STK40: variants seen among roughly 807,000 people sequenced by gnomAD.
STK40 encodes the protein serine/threonine kinase 40, also known as serine/threonine-protein kinase 40.
Under a neutral mutation model 47.9 loss-of-function variants are expected in STK40, and 13 were observed. That is an observed-to-expected ratio of 0.27 (90% confidence interval 0.18 to 0.43). The LOEUF is 0.43. Ranked by LOEUF, STK40 falls within the 20% of genes least tolerant of loss-of-function variation. STK40 has a pLI of 1.00. For synonymous variants in STK40, 225 were observed against 243.2 expected (o/e 0.93, Z 0.69); for missense variants, 460 against 595.1 (o/e 0.77, Z 2.36).
intron 1 of STK40, among the ~76,000 whole-genome samples, chr1:36,383,561 T>A (rs1210061168): frequency 1.3e-5 from 2 of 152,242 alleles, no homozygotes; most frequent in Non-Finnish European, 2.9e-5. Context: ...CGAAGAGTTC[T>A]CCAGCCCTTC....
chr1:36,346,029 C>G (rs797009676), intron 7 of STK40, among the ~76,000 whole-genome samples: 3 of 106,622 alleles, frequency 2.8e-5, no homozygotes, highest in African/African-American at 1.1e-4. Context: ...GAGTCTTGCT[C>G]TGTTGCCCAG....
At chr1:36,366,460 C>T (rs1646902753) in intron 1 of STK40, among the ~76,000 whole-genome samples, 1 of 152,170 alleles carries the variant, frequency 6.6e-6, no homozygotes, top group African/African-American at 2.4e-5. Flanking sequence ...CATGAAGAGG[C>T]AGGCCCAGAA....
At chr1:36,357,216 G>C (rs115018158) in intron 4 of STK40, among the ~76,000 whole-genome samples, 2 of 152,328 alleles carry the variant, frequency 1.3e-5, no homozygotes, top group East Asian at 3.9e-4. Context: ...TGGGGAATCT[G>C]AGGCCTAGAG....
intron 1 of STK40, among the ~76,000 whole-genome samples, chr1:36,383,163 T>G (rs1389082385): frequency 3.9e-5 from 6 of 152,224 alleles, no homozygotes; most frequent in African/African-American, 1.4e-4. Flanking sequence ...AGACTGGTCT[T>G]GAACTCCTGA....
In STK40 at chr1:36,341,837, G is replaced by A. The variant is rs752175420; in HGVS notation, c.1226C>T (p.Pro409Leu). The change falls in exon 11 of 11, where the codon CCG becomes CTG. Residue 409 changes from proline to leucine, a missense_variant. Transcript: ENST00000373132. ...VPKRQFGSAP[P>L]VRRLGHDAQP... ...TGCGTCGTGGCCCAGCCGTCGCACC[G>A]GTGGTGCGCTGCCGAACTGCCGCTT... 3.0e-5 allele frequency: 48 copies of A among 1,613,660 alleles called. No homozygotes were observed. Among genetic ancestry groups the A allele is most frequent in the Admixed American group, 1.2e-4 (7 of 60,018 alleles).
At chr1:36,351,282 A>C (rs1489555859) in intron 6 of STK40, among the ~76,000 whole-genome samples, 1 of 151,892 alleles carries the variant, frequency 6.6e-6, no homozygotes, top group African/African-American at 2.4e-5. Flanking sequence ...TGCCTTGCCA[A>C]CACCTCCCCC....
intron 7 of STK40, among the ~76,000 whole-genome samples, chr1:36,345,325 G>A (rs1053194768): frequency 2.6e-5 from 4 of 152,240 alleles, no homozygotes; most frequent in Non-Finnish European, 5.9e-5. Flanking sequence ...CCGGGAGAGG[G>A]TGTGCCATGT....
intron 7 of STK40, among the ~76,000 whole-genome samples, chr1:36,346,145 C>G (rs535080943): frequency 6.6e-4 from 100 of 150,888 alleles, no homozygotes; most frequent in Non-Finnish European, 1.1e-3. Context: ...TAGGCACCCG[C>G]CACCACGCCC....
chr1:36,357,320 ACAG>A (rs921754268), intron 4 of STK40, among the ~76,000 whole-genome samples: 1 of 152,170 alleles, frequency 6.6e-6, no homozygotes, highest in African/African-American at 2.4e-5. Flanking sequence ...TGCCTCTCAA[ACAG>A]CAGGTCTGTC....
At chr1:36,374,831 T>C (rs932556857) in intron 1 of STK40, among the ~76,000 whole-genome samples, 3 of 152,132 alleles carry the variant, frequency 2.0e-5, no homozygotes, top group East Asian at 1.9e-4. Flanking sequence ...TCTGGCTCAT[T>C]TGGACTAGAA....
chr1:36,344,161 C>G lies in STK40; in HGVS notation c.843G>C (p.Glu281Asp). The stretch of plus-strand genomic sequence containing the variant: ...CGGCAGCCTTGATCTTGCGGAAGAG[C>G]TCCTGCGGGATGCTGTCGTAGAAGG... ...QFPFYDSIPQ[E>D]LFRKIKAAEY... Residue 281 changes from glutamate (E) to aspartate (D), a missense_variant, in exon 8 of 11, where the codon GAG becomes GAC. By Grantham distance (45) the Glu-to-Asp change is conservative. Around this residue, in one of 3 missense-constraint regions of STK40, gnomAD observed 181 missense variants for 218.9 expected, o/e 0.83. Coordinates refer to ENST00000373132, the MANE Select transcript of STK40 (RefSeq NM_001282547.2). 1 of 1,611,828 alleles carries G rather than the reference C, an allele frequency of 6.2e-7. No homozygotes were observed. Among genetic ancestry groups the G allele is most frequent in the Non-Finnish European group, 8.5e-7 (1 of 1,179,512 alleles).
In STK40 at chr1:36,341,498, T is replaced by A; in HGVS notation, c.*257A>T. The A allele has an allele frequency of 1.9e-6, 1 of 519,636 alleles. No homozygotes were observed. The highest frequency in any genetic ancestry group is 2.1e-5 in the South Asian group (1 of 47,000). The allele number at this position is 519,636 out of a possible 1,614,324, so 32.2% of individuals were successfully genotyped here. A position where few individuals can be genotyped will look rare whatever the true frequency, so the allele number is the denominator to read the frequency against. On this transcript the variant is annotated 3_prime_UTR_variant, in exon 11 of 11. Coordinates refer to ENST00000373132, the MANE Select transcript of STK40 (RefSeq NM_001282547.2). ...GCATGGTTAAAGAGACAGAGGTAGATTAAAACATCGTGATTAAAAGCAGAT... is the reference window on the plus strand; with the variant it reads ...GCATGGTTAAAGAGACAGAGGTAGAATAAAACATCGTGATTAAAAGCAGAT...
chr1:36,342,098 C>T, intron 10 of STK40, 125 bp from the exon 11 acceptor site: 1 of 910,248 alleles, frequency 1.1e-6, no homozygotes, highest in Non-Finnish European at 1.7e-6. Flanking sequence ...GGCACCACAC[C>T]CTCAGGCCTC....
At chr1:36,369,901 G>A (rs1646930914) in intron 1 of STK40, among the ~76,000 whole-genome samples, 1 of 152,240 alleles carries the variant, frequency 6.6e-6, no homozygotes, top group South Asian at 2.1e-4. Context: ...AGGAGACAGA[G>A]GCAGTTGAAT....
chr1:36,350,827 C>T (rs544755599), intron 6 of STK40, among the ~76,000 whole-genome samples: 3 of 152,330 alleles, frequency 2.0e-5, no homozygotes, highest in African/African-American at 7.2e-5. Context: ...TGCCAGGGCA[C>T]GGGCAGGCAC....
chr1:36,341,959 CT>C lies in STK40; in HGVS notation c.1103del (p.Glu368GlyfsTer53). ...TCTCAAACTCGTACTGGGAGCACTC[CT>C]CCGTCACCTTCGCCTTTGAGGCGGG... is the stretch of plus-strand genomic sequence containing the variant. ...ADSSQEAKVT[E>X]ECSQYEFENY... On this transcript the variant is annotated frameshift_variant, in exon 11 of 11. Coordinates refer to ENST00000373132, the MANE Select transcript of STK40 (RefSeq NM_001282547.2). LOFTEE classifies it high-confidence loss of function. The C allele has an allele frequency of 6.2e-7, 1 of 1,613,396 alleles. No individual in the cohort carries two copies. Among genetic ancestry groups the C allele is most frequent in the Non-Finnish European group, 8.5e-7 (1 of 1,179,628 alleles).
intron 6 of STK40, among the ~76,000 whole-genome samples, chr1:36,349,577 TTCTGTTCCA>T (rs1646732674): frequency 6.6e-6 from 1 of 152,210 alleles, no homozygotes; most frequent in African/African-American, 2.4e-5. Flanking sequence ...TGACTTTTCC[TTCTGTTCCA>T]TCAAAGCTGA....
intron 4 of STK40, 74 bp from the exon 5 acceptor site, chr1:36,355,507 T>C: frequency 6.8e-7 from 1 of 1,480,570 alleles, no homozygotes; most frequent in Middle Eastern, 1.9e-4. Flanking sequence ...GGGACTCTCC[T>C]CTGGAGTGGG....
At chr1:36,358,847 T>C (rs1646828442) in intron 2 of STK40, 25 bp from the exon 3 acceptor site, 1 of 1,614,032 alleles carries the variant, frequency 6.2e-7, no homozygotes. Context: ...GCTGCTGGTC[T>C]ACTTTTCAGA....
Sources: gnomAD v4.1 joint callset for allele counts (sites outside exome capture counted in the v4.1 genomes callset) on GRCh38, gnomAD v4.1.1 for gene constraint, gnomAD v4.1.1 regional missense constraint, MANE v1.5 for transcripts, NCBI Gene and HGNC (gene_info 2026-07-23, HGNC 2026-07-21) for gene names.